CCNL2: variants seen among roughly 807,000 people sequenced by gnomAD.
CCNL2 encodes cyclin-L2.
CCNL2 carries 28 observed loss-of-function variants against 59.1 expected under a neutral mutation model. That is an observed-to-expected ratio of 0.47 (90% confidence interval 0.35 to 0.65). CCNL2 has a LOEUF of 0.65. Among genes scored for constraint, CCNL2 ranks in the 30% least tolerant of loss-of-function variants. CCNL2 has a pLI of 0.00. For missense variants in CCNL2, 714 were observed against 717.4 expected (o/e 1.00, Z 0.05); for synonymous variants, 342 against 288.6 (o/e 1.19, Z -1.88).
In CCNL2 at chr1:1,386,045, A is replaced by G. The variant is rs1356200543; in HGVS notation, c.*1186T>C. On this transcript the variant is annotated 3_prime_UTR_variant, in exon 11 of 11. Transcript: ENST00000400809. ...CCTAGTAAGTCCAAACGGTACCACC[A>G]GGAGTGGGGCCCCCTAGTCCCCAAA... The G allele has an allele frequency of 1.3e-5, 2 of 152,228 alleles. No individual in the cohort carries two copies. The highest frequency in any genetic ancestry group is 2.9e-5 in the Non-Finnish European group (2 of 68,052). The allele number at this position is 152,228 out of a possible 1,614,324, so 9.4% of individuals were successfully genotyped here.
intron 8 of CCNL2, chr1:1,388,598 C>T (rs1188813197): frequency 4.9e-6 from 2 of 409,910 alleles, no homozygotes; most frequent in Admixed American, 2.8e-5. Context: ...TATATATATA[C>T]ATAGACACAC....
chr1:1,395,308 G>C, intron 4 of CCNL2, 86 bp downstream of exon 4: 1 of 1,497,176 alleles, frequency 6.7e-7, no homozygotes, highest in Non-Finnish European at 9.2e-7. Context: ...CCTCTTCAGA[G>C]CCTTCAACTG....
intron 3 of CCNL2, among the ~76,000 whole-genome samples, chr1:1,397,115 T>C (rs1054016918): frequency 4.6e-5 from 7 of 151,928 alleles, no homozygotes; most frequent in East Asian, 3.9e-4. Context: ...CTCCTGACCT[T>C]AGGTGATCCA....
At chr1:1,390,668 C>T in intron 6 of CCNL2, 98 bp downstream of exon 6, 2 of 1,480,086 alleles carry the variant, frequency 1.4e-6, no homozygotes, top group South Asian at 1.1e-5. Flanking sequence ...TGCTTTGGCC[C>T]AGATTAGAGT....
chr1:1,392,781 G>A (rs751183142), intron 5 of CCNL2: 128 of 1,612,088 alleles, frequency 7.9e-5, no homozygotes, highest in Non-Finnish European at 1.0e-4. Flanking sequence ...AGAAGTCTTA[G>A]TCACTTACCC....
At position 1,387,789 on chromosome 1, in the gene CCNL2, G is replaced by A. The variant is rs957488817; in HGVS notation, c.1199C>T (p.Ser400Phe). ...SYSRSPSRSA[S>F]PKRRKSDSGS... ...CTGAGGCACACACCTCCTCTTAGGA[G>A]ACGCTGATCGGGATGGGGACCTCGA... The change falls in exon 10 of 11, where the codon TCT becomes TTT. Residue 400 changes from serine to phenylalanine, a missense_variant. By Grantham distance (155) the Ser-to-Phe change is radical. Transcript: ENST00000400809. The A allele has an allele frequency of 1.2e-6, 2 of 1,612,216 alleles. No individual in the cohort carries two copies. Among genetic ancestry groups the A allele is most frequent in the African/African-American group, 2.7e-5 (2 of 74,904 alleles).
chr1:1,389,715 T>G (rs1644660192), intron 8 of CCNL2, among the ~76,000 whole-genome samples: 2 of 152,030 alleles, frequency 1.3e-5, no homozygotes, highest in Non-Finnish European at 2.9e-5. Flanking sequence ...ATCCCAGCAC[T>G]TTGGGAGGCT....
chr1:1,390,993 C>A (rs973146056), intron 5 of CCNL2, 128 bp from the exon 6 acceptor site: 2 of 889,200 alleles, frequency 2.2e-6, no homozygotes, highest in Non-Finnish European at 1.7e-6. Flanking sequence ...GGACTCAGAG[C>A]TAGACAGTCC....
At chr1:1,395,342 A>T (rs907639597) in intron 4 of CCNL2, 52 bp downstream of exon 4, 8 of 1,602,588 alleles carry the variant, frequency 5.0e-6, no homozygotes, top group East Asian at 4.5e-5. Flanking sequence ...AGAGGCGGCC[A>T]GGCAGGAGCA....
chr1:1,398,637 C>A lies in CCNL2; in HGVS notation c.323G>T (p.Arg108Leu). The A allele has an allele frequency of 1.2e-6, 2 of 1,614,038 alleles. No individual in the cohort carries two copies. The highest frequency in any genetic ancestry group is 1.7e-6 in the Non-Finnish European group (2 of 1,180,006). The stretch of plus-strand genomic sequence containing the variant: ...CACGAAGGACTTGGTATAAAAGAAC[C>A]GCTGGAACAACACCTGCCCGGTAGC... ...AMATGQVLFQ[R>L]FFYTKSFVKH... Residue 108 changes from arginine (R) to leucine (L), a missense_variant, in exon 2 of 11, where the codon CGG becomes CTG. Arg to Leu is a moderately radical substitution (Grantham distance 102, BLOSUM62 -2). Coordinates refer to ENST00000400809, the MANE Select transcript of CCNL2 (RefSeq NM_030937.6).
At chr1:1,392,452 C>A in intron 5 of CCNL2, 1 of 1,203,344 alleles carries the variant, frequency 8.3e-7, no homozygotes, top group Non-Finnish European at 1.0e-6. Context: ...ACTGACACAG[C>A]CAATTTGTCT....
chr1:1,388,633 T>C (rs1364412247), intron 8 of CCNL2: 2 of 413,106 alleles, frequency 4.8e-6, no homozygotes, highest in East Asian at 1.4e-4. Flanking sequence ...TACCTGAGCG[T>C]GGTGGTGGGC....
chr1:1,392,154 G>T, intron 5 of CCNL2: 1 of 287,116 alleles, frequency 3.5e-6, no homozygotes, highest in Non-Finnish European at 5.3e-6. Context: ...ATGCAAGCGT[G>T]CCAGTGCACA....
In CCNL2 at chr1:1,396,190, G is replaced by GAA. The variant is rs1285948344; in HGVS notation, c.474-678_474-677dup. ...TGAGACACAGTGAGAGTCCGTCTCA[G>GAA]AAAAAAAAAAAAAAAAAAAGGGCTG... On this transcript the variant is annotated intron_variant, in intron 3 of 10. Transcript: ENST00000400809. Among the ~76,000 whole-genome samples the GAA allele has an allele frequency of 8.7e-3, 545 of 62,690 alleles. 4 individuals carry two copies. The highest frequency in any genetic ancestry group is 0.024 in the African/African-American group (487 of 20,414). The allele number at this position is 62,690 out of a possible 152,430, so 41.1% of individuals were successfully genotyped here.
In CCNL2 at chr1:1,390,452, G is replaced by GAAAGA. The variant is rs753784356; in HGVS notation, c.864+6_864+7insTCTTT. The GAAAGA allele has an allele frequency of 8.1e-6, 13 of 1,612,432 alleles. No individual in the cohort carries two copies. The highest frequency in any genetic ancestry group is 1.1e-5 in the Non-Finnish European group (13 of 1,179,318). The stretch of plus-strand genomic sequence containing the variant: ...CGCATACGTTACATGAAAAAATGCC[G>GAAAGA]AAGAACCTTTTTCCGAGCATAAAGC... On this transcript the variant is annotated splice_region_variant and intron_variant, in intron 7 of 10. Transcript: ENST00000400809.
chr1:1,395,563 G>T, intron 3 of CCNL2, 49 bp from the exon 4 acceptor site: 1 of 1,607,514 alleles, frequency 6.2e-7, no homozygotes, highest in Non-Finnish European at 8.5e-7. Context: ...GCAGAGCAAG[G>T]CTTCTGAGAT....
Position 1,398,226 on chromosome 1 carries a change from G to C in CCNL2, c.473+7C>G. Reference sequence around the variant, plus strand: ...TATGATAGACTAGACAGCTCTGACTGACTCACTTTTTGTCTCTCAGCTGTC... The same window carrying C: ...TATGATAGACTAGACAGCTCTGACTCACTCACTTTTTGTCTCTCAGCTGTC... On this transcript the variant is annotated splice_region_variant and intron_variant, in intron 3 of 10. Coordinates refer to ENST00000400809, the MANE Select transcript of CCNL2 (RefSeq NM_030937.6). The C allele has an allele frequency of 6.2e-7, 1 of 1,613,666 alleles. No homozygotes were observed. The highest frequency in any genetic ancestry group is 8.5e-7 in the Non-Finnish European group (1 of 1,179,588).
chr1:1,388,770 CAGAA>C, intron 8 of CCNL2: 1 of 162,696 alleles, frequency 6.1e-6, no homozygotes, highest in Non-Finnish European at 1.1e-5. Context: ...GACTCCGTCT[CAGAA>C]AAAAAAAAAA....
rs577678728 is a variant in CCNL2 at position 1,398,590 on chromosome 1, G to A, written c.363+7C>T. On this transcript the variant is annotated splice_region_variant and intron_variant, in intron 2 of 10. Coordinates refer to ENST00000400809, the MANE Select transcript of CCNL2 (RefSeq NM_030937.6). ...CGCTGGGAATGAAGTGCAGGAGGAAGCCTTACCTCCATGGAGTGCTTCACG... is the reference window on the plus strand; with the variant it reads ...CGCTGGGAATGAAGTGCAGGAGGAAACCTTACCTCCATGGAGTGCTTCACG... 29 of 1,612,280 alleles carry A rather than the reference G, an allele frequency of 1.8e-5. No homozygotes were observed. Among genetic ancestry groups the A allele is most frequent in the Admixed American group, 1.2e-4 (7 of 60,014 alleles).
Sources: allele counts gnomAD v4.1 joint callset (sites outside exome capture counted in the v4.1 genomes callset), GRCh38; gene constraint gnomAD v4.1.1; transcripts MANE v1.5; gene names NCBI Gene and HGNC (gene_info 2026-07-23, HGNC 2026-07-21).